Variants in DNAJC1 observed in about 807,000 individuals in gnomAD.
DNAJC1 encodes the protein dnaJ homolog subfamily C member 1.
Under a neutral mutation model 76.6 loss-of-function variants are expected in DNAJC1, and 58 were observed. The observed-to-expected ratio is 0.76, with a 90% CI of 0.61 to 0.94. The LOEUF (loss-of-function observed/expected upper bound fraction) is 0.94. Among genes scored for constraint, DNAJC1 ranks in the 40% least tolerant of loss-of-function variants. The pLI is 0.00. For synonymous variants in DNAJC1, 258 were observed against 267.9 expected, an observed-to-expected ratio of 0.96 and a Z score of 0.36; for missense variants, 689 against 677.3, an observed-to-expected ratio of 1.02 and a Z score of -0.19.
At chr10:21,872,271 T>A (rs111837017) in intron 8 of DNAJC1, among the ~76,000 whole-genome samples, 2,657 of 152,138 alleles carry the variant, frequency 0.017, 72 homozygotes, top group African/African-American at 0.06. Context: ...GACAGGGTTA[T>A]GTTGGCCAGG....
chr10:21,994,356 ATTTAC>A (rs779127030), intron 1 of DNAJC1, among the ~76,000 whole-genome samples: 3 of 152,200 alleles, frequency 2.0e-5, no homozygotes, highest in Non-Finnish European at 2.9e-5. Context: ...AATCAATCTA[ATTTAC>A]TTTAAGTTAA....
chr10:21,944,714 ATGT>A (rs1177274719), intron 1 of DNAJC1, among the ~76,000 whole-genome samples: 1 of 152,216 alleles, frequency 6.6e-6, no homozygotes, highest in East Asian at 1.9e-4. Flanking sequence ...TAGTCAAATC[ATGT>A]TGTACACCTT....
chr10:21,949,986 A>G (rs926887770), intron 1 of DNAJC1, among the ~76,000 whole-genome samples: 1 of 151,906 alleles, frequency 6.6e-6, no homozygotes, highest in Non-Finnish European at 1.5e-5. Flanking sequence ...TCCATGTCAT[A>G]TAATTTTCTC....
At chr10:21,988,967 T>C (rs1385978034) in intron 1 of DNAJC1, among the ~76,000 whole-genome samples, 1 of 152,184 alleles carries the variant, frequency 6.6e-6, no homozygotes, top group African/African-American at 2.4e-5. Flanking sequence ...ATATATGTCA[T>C]TCTGAGATAA....
At chr10:21,790,702 A>C (rs777444634) in intron 9 of DNAJC1, among the ~76,000 whole-genome samples, 1 of 152,176 alleles carries the variant, frequency 6.6e-6, no homozygotes, top group Non-Finnish European at 1.5e-5. Flanking sequence ...AAAACACTCA[A>C]AAGTATAAAA....
chr10:21,961,134 A>G (rs1422086808), intron 1 of DNAJC1, among the ~76,000 whole-genome samples: 4 of 152,226 alleles, frequency 2.6e-5, no homozygotes, highest in Non-Finnish European at 1.5e-5. Context: ...GTGGGCTCCA[A>G]CAGTGCAACT....
chr10:21,855,055 T>C (rs1000624727), intron 8 of DNAJC1, among the ~76,000 whole-genome samples: 3 of 152,190 alleles, frequency 2.0e-5, no homozygotes, highest in African/African-American at 4.8e-5. Context: ...TAGAAAATCA[T>C]CTAGTTAAGA....
chr10:21,945,590 T>C (rs1244894907), intron 1 of DNAJC1, among the ~76,000 whole-genome samples: 3 of 152,102 alleles, frequency 2.0e-5, no homozygotes, highest in Admixed American at 6.5e-5. Context: ...AGAGGATACA[T>C]GTAGGTCTAA....
chr10:21,966,691 T>C (rs1408531885), intron 1 of DNAJC1, among the ~76,000 whole-genome samples: 2 of 150,824 alleles, frequency 1.3e-5, no homozygotes, highest in Non-Finnish European at 1.5e-5. Context: ...CTTCTTCTTT[T>C]TTTTTTTTTT....
chr10:21,910,824 AAAGG>A (rs1564824825), intron 6 of DNAJC1, among the ~76,000 whole-genome samples: 2 of 86,648 alleles, frequency 2.3e-5, no homozygotes, highest in African/African-American at 1.0e-4. Context: ...GAAAGGAAAG[AAAGG>A]AAGGAGAGGA....
intron 10 of DNAJC1, among the ~76,000 whole-genome samples, chr10:21,763,795 T>C (rs566360359): frequency 6.6e-6 from 1 of 152,120 alleles, no homozygotes; most frequent in African/African-American, 2.4e-5. Flanking sequence ...GGGTATCTTG[T>C]TGCAATATCT....
intron 1 of DNAJC1, among the ~76,000 whole-genome samples, chr10:21,985,660 G>T (rs1838233723): frequency 6.6e-6 from 1 of 152,066 alleles, no homozygotes; most frequent in Non-Finnish European, 1.5e-5. Flanking sequence ...TAATGTTCTT[G>T]GAATTCATCC....
chr10:21,983,800 C>A lies in DNAJC1; in HGVS notation c.222+19413G>T, dbSNP rs150155660. Among the ~76,000 whole-genome samples, 501 of 151,048 alleles carry A rather than the reference C, an allele frequency of 3.3e-3. 2 individuals carry two copies. Among genetic ancestry groups the A allele is most frequent in the African/African-American group, 0.012 (484 of 41,116 alleles). ...AGGAAAGAACGGTAAGTTGTTTAAT[C>A]GGTGCAGAGTTTCTGTTTGGGATGA... On this transcript the variant is annotated intron_variant, in intron 1 of 11. Transcript: ENST00000376980.
intron 9 of DNAJC1, among the ~76,000 whole-genome samples, chr10:21,775,948 A>G (rs1834450099): frequency 6.6e-6 from 1 of 152,136 alleles, no homozygotes; most frequent in Admixed American, 6.5e-5. Flanking sequence ...AATATGTTTC[A>G]CCACATTGTG....
At chr10:21,774,089 C>T (rs1017527679) in intron 9 of DNAJC1, among the ~76,000 whole-genome samples, 1 of 142,962 alleles carries the variant, frequency 7.0e-6, no homozygotes, top group South Asian at 2.2e-4. Context: ...TGCAGTGAGC[C>T]GAGATCCCGC....
intron 9 of DNAJC1, among the ~76,000 whole-genome samples, chr10:21,802,556 C>T (rs544870447): frequency 6.6e-6 from 1 of 152,042 alleles, no homozygotes; most frequent in Non-Finnish European, 1.5e-5. Flanking sequence ...AACTACACAC[C>T]CCTTACCTCA....
intron 8 of DNAJC1, among the ~76,000 whole-genome samples, chr10:21,824,221 G>A (rs1270869111): frequency 6.6e-6 from 1 of 152,172 alleles, no homozygotes; most frequent in African/African-American, 2.4e-5. Flanking sequence ...GAATACTAAA[G>A]CTTCCATTCA....
intron 9 of DNAJC1, among the ~76,000 whole-genome samples, chr10:21,802,937 A>G (rs1178500622): frequency 6.6e-6 from 1 of 152,146 alleles, no homozygotes; most frequent in African/African-American, 2.4e-5. Flanking sequence ...ATATATCAAC[A>G]TTTAAAATAT....
intron 1 of DNAJC1, among the ~76,000 whole-genome samples, chr10:21,972,105 A>G (rs1039481258): frequency 2.0e-5 from 3 of 151,984 alleles, no homozygotes; most frequent in African/African-American, 7.2e-5. Flanking sequence ...TTTGTAAAAT[A>G]TAACATAAAT....
Sources: allele counts gnomAD v4.1 joint callset (sites outside exome capture counted in the v4.1 genomes callset), GRCh38; gene constraint gnomAD v4.1.1; transcripts MANE v1.5; gene names NCBI Gene and HGNC (gene_info 2026-07-23, HGNC 2026-07-21).